The following FIP1L1 variants were observed in gnomAD, a reference collection of about 807,000 sequenced individuals.
The protein encoded by FIP1L1 is factor interacting with PAPOLA and CPSF1, also known as pre-mRNA 3'-end-processing factor FIP1.
FIP1L1 carries 21 observed loss-of-function variants against 84.6 expected under a neutral mutation model. That is an observed-to-expected ratio of 0.25 (90% CI 0.18 to 0.36). The LOEUF (loss-of-function observed/expected upper bound fraction) is 0.36. Ranked by LOEUF, FIP1L1 falls within the 10% of genes least tolerant of loss-of-function variation. FIP1L1 has a pLI of 1.00. For synonymous variants in FIP1L1, 263 were observed against 242.3 expected (o/e 1.09, Z -0.80); for missense variants, 526 against 751.1 (o/e 0.70, Z 3.50).
chr4:53,379,864 C>T (rs530864644), intron 3 of FIP1L1, among the ~76,000 whole-genome samples: 1 of 152,256 alleles, frequency 6.6e-6, no homozygotes, highest in Admixed American at 6.5e-5. Flanking sequence ...ATGGAGATGT[C>T]GGCTTTACCC....
At chr4:53,430,124 T>C (rs766630890) in intron 13 of FIP1L1, among the ~76,000 whole-genome samples, 6 of 152,154 alleles carry the variant, frequency 3.9e-5, no homozygotes, top group Non-Finnish European at 8.8e-5. Flanking sequence ...GATTTCCTTA[T>C]TTACAAATAT....
intron 1 of FIP1L1, 146 bp downstream of exon 1, chr4:53,378,069 G>C (rs945480312): frequency 1.5e-6 from 1 of 656,464 alleles, no homozygotes; most frequent in Non-Finnish European, 2.4e-6. Context: ...CGAGCGCGGC[G>C]TGCGCGTGCC....
intron 15 of FIP1L1, among the ~76,000 whole-genome samples, 177 bp from the exon 16 acceptor site, chr4:53,452,743 G>A (rs1431646319): frequency 6.6e-6 from 1 of 152,068 alleles, no homozygotes; most frequent in Non-Finnish European, 1.5e-5. Flanking sequence ...TATATGTTAG[G>A]TTTTTAAGAT....
rs768021713 is a variant in FIP1L1, at chr4:53,428,045, G to A, written c.1036G>A (p.Ala346Thr). Residue 346 changes from alanine (A) to threonine (T), a missense_variant, in exon 13 of 18, where the codon GCT becomes ACT. Physicochemically the swap from Ala to Thr is moderately conservative, Grantham distance 58. This residue lies in a region of FIP1L1 where 80 missense variants were observed against 151.1 expected (regional missense o/e 0.53). Coordinates refer to ENST00000337488, the MANE Select transcript of FIP1L1 (RefSeq NM_030917.4). ...SNIQVLSERSATEVDNNFSKP... is the reference protein window; with the variant it reads ...SNIQVLSERSTTEVDNNFSKP... ...ATTTTAGGTCCTTTCTGAAAGATCT[G>A]CTACTGAAGTAGACAACAATTTTAG... 12 of 1,606,506 alleles carry A rather than the reference G, an allele frequency of 7.5e-6. No individual in the cohort carries two copies. Among genetic ancestry groups the A allele is most frequent in the Non-Finnish European group, 1.7e-6 (2 of 1,174,902 alleles).
At chr4:53,458,857 T>G in intron 17 of FIP1L1, 67 bp downstream of exon 17, 2 of 1,530,234 alleles carry the variant, frequency 1.3e-6, no homozygotes, top group Non-Finnish European at 1.8e-6. Context: ...CATTGTCGCA[T>G]TGGAAGAGGG....
At chr4:53,453,394 T>C (rs1717161123) in intron 16 of FIP1L1, among the ~76,000 whole-genome samples, 1 of 152,226 alleles carries the variant, frequency 6.6e-6, no homozygotes, top group African/African-American at 2.4e-5. Flanking sequence ...TTTTTCATCT[T>C]AAGCTTAAAT....
intron 15 of FIP1L1, among the ~76,000 whole-genome samples, chr4:53,449,172 CATT>C (rs1775420399): frequency 6.6e-6 from 1 of 151,800 alleles, no homozygotes; most frequent in South Asian, 2.1e-4. Context: ...ATTATAACAA[CATT>C]ATAATGTCGA....
At chr4:53,389,512 A>T (rs1269378647) in intron 5 of FIP1L1, among the ~76,000 whole-genome samples, 2 of 152,128 alleles carry the variant, frequency 1.3e-5, no homozygotes, top group Non-Finnish European at 2.9e-5. Flanking sequence ...AAATCAGTTT[A>T]AAATGTTTTT....
intron 11 of FIP1L1, among the ~76,000 whole-genome samples, chr4:53,420,217 A>AAAAAAAAC (rs1761749457): frequency 1.4e-5 from 2 of 146,220 alleles, no homozygotes; most frequent in African/African-American, 5.2e-5. Context: ...AAAAAAAAAA[A>AAAAAAAAC]AAAAAAAACC....
Position 53,383,838 on chromosome 4 carries a change from C to T in FIP1L1, c.294C>T (p.Val98=). The T allele has an allele frequency of 6.2e-7, 1 of 1,613,268 alleles. No homozygotes were observed. Residue 98 remains valine, a synonymous_variant, in exon 5 of 18, where the codon GTC becomes GTT. Transcript: ENST00000337488. ...DSDDDEDDVH[V]TIGDIKTGAP... is the part of the protein sequence containing the mutation. ...ATGATGATGAAGATGATGTTCATGTCACTATAGGAGACATTAAAACGGGAG... is the reference window on the plus strand; with the variant it reads ...ATGATGATGAAGATGATGTTCATGTTACTATAGGAGACATTAAAACGGGAG...
At chr4:53,449,787 C>T (rs555472347) in intron 15 of FIP1L1, among the ~76,000 whole-genome samples, 16 of 152,204 alleles carry the variant, frequency 1.1e-4, no homozygotes, top group South Asian at 1.0e-3. Context: ...AGTTATTAGA[C>T]TCTTCAAGAT....
Position 53,389,824 on chromosome 4 carries a change from A to C in FIP1L1, c.348A>C (p.Ala116=), listed in dbSNP as rs143506497. The part of the protein sequence containing the change: ...GAPQYGSYGT[A]PVNLNIKTGG... ...TTGTTTTTAGGAGTTATGGTACAGC[A>C]CCTGTAAATCTTAACATCAAGACAG... Residue 116 remains alanine, a synonymous_variant, in exon 6 of 18, where the codon GCA becomes GCC. Coordinates refer to ENST00000337488, the MANE Select transcript of FIP1L1 (RefSeq NM_030917.4). 20 of 1,603,258 alleles carry C rather than the reference A, an allele frequency of 1.2e-5. No individual in the cohort carries two copies. The highest frequency in any genetic ancestry group is 1.6e-5 in the Non-Finnish European group (19 of 1,176,686).
intron 11 of FIP1L1, among the ~76,000 whole-genome samples, chr4:53,417,739 A>ACG (rs1560536743): frequency 5.0e-5 from 1 of 19,924 alleles, no homozygotes; most frequent in Non-Finnish European, 9.4e-5. Flanking sequence ...CTCTTTTTAA[A>ACG]CACACACACA....
At chr4:53,433,795 T>C (rs1767824758) in intron 13 of FIP1L1, among the ~76,000 whole-genome samples, 1 of 152,232 alleles carries the variant, frequency 6.6e-6, no homozygotes, top group African/African-American at 2.4e-5. Context: ...TGTAGGATTC[T>C]GCATTTTAGA....
At position 53,390,614 on chromosome 4, in the gene FIP1L1, C is replaced by G; in HGVS notation, c.491C>G (p.Pro164Arg). ...GATTTGGATTCTTTTGAAGATAAAC[C>G]ATGGCGTAAACCTGGTAAGATTATT... ...EVDLDSFEDK[P>R]WRKPGADLSD... The change falls in exon 7 of 18, where the codon CCA (proline) becomes CGA (arginine). Residue 164 changes from proline to arginine, a missense_variant. Around this residue, in one of 6 missense-constraint regions of FIP1L1, gnomAD observed 169 missense variants for 206.9 expected, o/e 0.82. Transcript: ENST00000337488. The G allele has an allele frequency of 6.2e-7, 1 of 1,604,164 alleles. No individual in the cohort carries two copies. The highest frequency in any genetic ancestry group is 8.5e-7 in the Non-Finnish European group (1 of 1,171,572).
At chr4:53,426,522 G>T (rs1295866452) in intron 12 of FIP1L1, among the ~76,000 whole-genome samples, 2 of 151,998 alleles carry the variant, frequency 1.3e-5, no homozygotes, top group African/African-American at 2.4e-5. Flanking sequence ...GAGCATTTCA[G>T]ATTTCAGATT....
At chr4:53,434,292 G>A (rs1374782344) in intron 13 of FIP1L1, among the ~76,000 whole-genome samples, 1 of 152,098 alleles carries the variant, frequency 6.6e-6, no homozygotes, top group South Asian at 2.1e-4. Flanking sequence ...TAAAAATTTA[G>A]TGGGAAGTGG....
At position 53,406,556 on chromosome 4, in the gene FIP1L1, A is replaced by G. The variant is rs188800167; in HGVS notation, c.815+6717A>G. ...GTTAGGGAGGATTCCCTCTTTTTCT[A>G]TTGATTGGAATAGTTTCAGAAGGAA... On this transcript the variant is annotated intron_variant, in intron 10 of 17. Coordinates refer to ENST00000337488, the MANE Select transcript of FIP1L1 (RefSeq NM_030917.4). Among the ~76,000 whole-genome samples the G allele has an allele frequency of 8.9e-3, 1,353 of 152,142 alleles. 21 individuals carry two copies. Among genetic ancestry groups the G allele is most frequent in the African/African-American group, 0.031 (1,268 of 41,518 alleles).
chr4:53,403,411 C>T (rs572545841), intron 10 of FIP1L1, among the ~76,000 whole-genome samples: 1 of 152,224 alleles, frequency 6.6e-6, no homozygotes, highest in Admixed American at 6.5e-5. Context: ...CGGTTTTGGA[C>T]TGTGAAATTT....
Sources: allele counts gnomAD v4.1 joint callset (sites outside exome capture counted in the v4.1 genomes callset), GRCh38; gene constraint gnomAD v4.1.1; regional missense constraint gnomAD v4.1.1; transcripts MANE v1.5; gene names NCBI Gene and HGNC (gene_info 2026-07-23, HGNC 2026-07-21).